Variants in UNC80 observed in about 807,000 individuals in gnomAD.
UNC80 encodes the protein unc-80 subunit of NALCN channel complex.
UNC80 carries 164 observed loss-of-function variants against 384.6 expected under a neutral mutation model. That is an observed-to-expected ratio of 0.43 (90% CI 0.38 to 0.49). The LOEUF (loss-of-function observed/expected upper bound fraction) is 0.49, where lower values mean the gene tolerates loss of function less well. Ranked by LOEUF, UNC80 falls within the 20% of genes least tolerant of loss-of-function variation. UNC80 has a pLI of 0.00. For missense variants in UNC80, 3,330 were observed against 4,143.0 expected, an observed-to-expected ratio of 0.80 and a Z score of 5.39; for synonymous variants, 1,486 against 1,527.8, an observed-to-expected ratio of 0.97 and a Z score of 0.64.
At chr2:209,802,012 G>T (rs1355825295) in intron 7 of UNC80, among the ~76,000 whole-genome samples, 1 of 152,122 alleles carries the variant, frequency 6.6e-6, no homozygotes, top group African/African-American at 2.4e-5. Flanking sequence ...TGTAAACAGG[G>T]TTGTTTGTAT....
intron 7 of UNC80, chr2:209,809,244 C>G: frequency 1.4e-6 from 1 of 711,974 alleles, no homozygotes; most frequent in Middle Eastern, 2.7e-4. Context: ...TTCAAAAAGC[C>G]TTCAACTGCC....
intron 51 of UNC80, chr2:209,960,882 T>C (rs1575151035): frequency 6.6e-6 from 1 of 152,358 alleles, no homozygotes; most frequent in East Asian, 1.9e-4. Flanking sequence ...AGTGTTAAGG[T>C]ACTGCTGTCA....
intron 51 of UNC80, 61 bp from the exon 52 acceptor site, chr2:209,967,376 T>C (rs996121572): frequency 3.9e-6 from 5 of 1,291,152 alleles, no homozygotes; most frequent in Non-Finnish European, 5.1e-6. Context: ...TGTAAAAAAA[T>C]TCCTGTTGTG....
At chr2:209,959,342 C>A in intron 50 of UNC80, 147 bp from the exon 51 acceptor site, 2 of 1,068,952 alleles carry the variant, frequency 1.9e-6, no homozygotes, top group Non-Finnish European at 2.7e-6. Flanking sequence ...TTTCTTTATC[C>A]TTCGGATGAG....
intron 7 of UNC80, chr2:209,809,236 C>T: frequency 1.4e-6 from 1 of 699,972 alleles, no homozygotes; most frequent in Non-Finnish European, 2.7e-6. Flanking sequence ...TTCCCAGTTT[C>T]AAAAAGCCTT....
In UNC80 at chr2:209,957,860, A is replaced by G. The variant is rs182881028; in HGVS notation, c.7550+124A>G. On this transcript the variant is annotated intron_variant, in intron 49 of 64. Coordinates refer to ENST00000673920, the MANE Select transcript of UNC80 (RefSeq NM_001371986.1). Reference sequence around the variant, plus strand: ...GAGTGTGAAAACCTCCAAGGAAAAGAAAAGAAGGTGAGAGTTTAGAGTTAC... The same window carrying G: ...GAGTGTGAAAACCTCCAAGGAAAAGGAAAGAAGGTGAGAGTTTAGAGTTAC... 70 of 842,746 alleles carry G rather than the reference A, an allele frequency of 8.3e-5. 1 individual carries two copies. In the African/African-American group the frequency reaches 1.1e-3, roughly 13 times the overall value. The allele number at this position is 842,746 out of a possible 1,614,324, so 52.2% of individuals were successfully genotyped here.
At chr2:209,871,858 A>T (rs1257289867) in intron 22 of UNC80, among the ~76,000 whole-genome samples, 1 of 148,534 alleles carries the variant, frequency 6.7e-6, no homozygotes, top group Non-Finnish European at 1.5e-5. Context: ...AGGTGGAGCC[A>T]TGTCTTTCTG....
chr2:209,950,802 C>A (rs1435130312), intron 47 of UNC80, among the ~76,000 whole-genome samples: 1 of 152,098 alleles, frequency 6.6e-6, no homozygotes, highest in Non-Finnish European at 1.5e-5. Context: ...AGGTGATCCA[C>A]CCGTCTCAGC....
At chr2:209,781,816 G>T (rs191195848) in intron 4 of UNC80, among the ~76,000 whole-genome samples, 5 of 152,178 alleles carry the variant, frequency 3.3e-5, no homozygotes, top group Admixed American at 2.6e-4. Flanking sequence ...AGAACAAATT[G>T]TCAAATGACT....
In UNC80 at chr2:209,791,594, G is replaced by A. The variant is rs191496585; in HGVS notation, c.798+1989G>A. On this transcript the variant is annotated intron_variant, in intron 6 of 64. Coordinates refer to ENST00000673920, the MANE Select transcript of UNC80 (RefSeq NM_001371986.1). Reference sequence around the variant, plus strand: ...AAGATCTCAATTCAGGCTGAGGCGGGCAGATCACAAGGTCAGGAGATCAAG... The same window carrying A: ...AAGATCTCAATTCAGGCTGAGGCGGACAGATCACAAGGTCAGGAGATCAAG... Among the ~76,000 whole-genome samples the A allele has an allele frequency of 1.9e-3, 296 of 152,064 alleles. 1 individual carries two copies. The highest frequency in any genetic ancestry group is 2.9e-3 in the Non-Finnish European group (199 of 67,980).
At position 209,993,479 on chromosome 2, in the gene UNC80, C is replaced by T. The variant is rs117969028; in HGVS notation, c.9508+53C>T. The stretch of plus-strand genomic sequence containing the variant: ...ATACCATTGACATGATGCCATGCAA[C>T]TCACCCAGGAAGGCTTACAAAAACC... On this transcript the variant is annotated intron_variant, in intron 63 of 64. Transcript: ENST00000673920. The T allele has an allele frequency of 3.6e-4, 529 of 1,480,812 alleles. 4 individuals carry two copies. The East Asian group carries it at 0.013, about 35-fold the overall frequency. The allele number at this position is 1,480,812 out of a possible 1,614,324, so 91.7% of individuals were successfully genotyped here.
At chr2:209,838,593 A>G (rs1038139303) in intron 18 of UNC80, among the ~76,000 whole-genome samples, 4 of 152,052 alleles carry the variant, frequency 2.6e-5, no homozygotes, top group South Asian at 2.1e-4. Flanking sequence ...TTGGTGTTCA[A>G]GTATGATACT....
At chr2:209,943,159 G>C (rs2091735038) in intron 44 of UNC80, among the ~76,000 whole-genome samples, 1 of 152,092 alleles carries the variant, frequency 6.6e-6, no homozygotes, top group Non-Finnish European at 1.5e-5. Flanking sequence ...TAAATTCCTA[G>C]TCACAAACTT....
intron 31 of UNC80, 151 bp from the exon 32 acceptor site, chr2:209,917,626 A>G: frequency 2.4e-6 from 2 of 840,748 alleles, no homozygotes; most frequent in Non-Finnish European, 3.6e-6. Flanking sequence ...GGGTGGTACA[A>G]AGAAGGTTTG....
At chr2:209,829,793 A>G (rs2080819152) in intron 15 of UNC80, among the ~76,000 whole-genome samples, 1 of 152,174 alleles carries the variant, frequency 6.6e-6, no homozygotes, top group Admixed American at 6.5e-5. Flanking sequence ...GTGCCTGACA[A>G]TTTTTTCACA....
intron 36 of UNC80, 132 bp downstream of exon 36, chr2:209,927,118 A>G (rs2090496204): frequency 9.4e-7 from 1 of 1,064,720 alleles, no homozygotes; most frequent in Non-Finnish European, 1.3e-6. Flanking sequence ...TTATAATTAC[A>G]GATTTGTAAC....
At chr2:209,890,768 C>T (rs2086255156) in intron 26 of UNC80, among the ~76,000 whole-genome samples, 1 of 152,082 alleles carries the variant, frequency 6.6e-6, no homozygotes, top group South Asian at 2.1e-4. Flanking sequence ...AAACTTAATA[C>T]CTGGTGAATT....
chr2:209,864,972 G>C (rs562680849), intron 22 of UNC80, among the ~76,000 whole-genome samples: 3 of 152,316 alleles, frequency 2.0e-5, no homozygotes, highest in Admixed American at 2.0e-4. Context: ...CTCTGGTGGC[G>C]TGAGTTCGTG....
chr2:209,851,662 T>C (rs554210055), intron 22 of UNC80, among the ~76,000 whole-genome samples: 1 of 152,172 alleles, frequency 6.6e-6, no homozygotes, highest in Non-Finnish European at 1.5e-5. Context: ...TGATTTTTTT[T>C]CCGGATGTCT....
Sources: allele counts gnomAD v4.1 joint callset (sites outside exome capture counted in the v4.1 genomes callset), GRCh38; gene constraint gnomAD v4.1.1; transcripts MANE v1.5; gene names NCBI Gene and HGNC (gene_info 2026-07-23, HGNC 2026-07-21).